Variants in GREB1L observed in about 807,000 individuals in gnomAD.
GREB1L encodes the protein GREB1-like protein.
In GREB1L, 17 loss-of-function variants were observed where a neutral mutation model predicts 200.8. The ratio of observed to expected loss-of-function variants is 0.08; its 90% CI spans 0.06 to 0.13. The LOEUF (loss-of-function observed/expected upper bound fraction) is 0.13, where lower values mean the gene tolerates loss of function less well. GREB1L is among the 10% of genes least tolerant of loss of function. The pLI, the probability that GREB1L is intolerant of heterozygous loss-of-function variation, is 1.00. For synonymous variants in GREB1L, 789 were observed against 893.0 expected (o/e 0.88, Z 2.08); for missense variants, 1,657 against 2,367.7 (o/e 0.70, Z 6.23).
chr18:21,517,141 T>C (rs977288452), intron 30 of GREB1L, among the ~76,000 whole-genome samples: 5 of 152,320 alleles, frequency 3.3e-5, no homozygotes, highest in Non-Finnish European at 7.4e-5. Flanking sequence ...CCCAAAGTGC[T>C]GGGATTACAG....
intron 27 of GREB1L, among the ~76,000 whole-genome samples, chr18:21,511,979 C>G (rs887877701): frequency 1.3e-5 from 2 of 152,122 alleles, no homozygotes; most frequent in African/African-American, 4.8e-5. Context: ...CATCTGTTAC[C>G]CACTGAATGG....
chr18:21,514,575 C>G (rs2037351609), intron 28 of GREB1L, among the ~76,000 whole-genome samples: 1 of 152,186 alleles, frequency 6.6e-6, no homozygotes, highest in Admixed American at 6.5e-5. Context: ...CTGCTGACAT[C>G]TCAAATCAGG....
chr18:21,408,887 G>A (rs2030619524), intron 7 of GREB1L, among the ~76,000 whole-genome samples: 1 of 152,038 alleles, frequency 6.6e-6, no homozygotes, highest in African/African-American at 2.4e-5. Flanking sequence ...TGTGGGTGTG[G>A]AGAAGTGGGA....
intron 30 of GREB1L, among the ~76,000 whole-genome samples, 181 bp downstream of exon 30, chr18:21,516,935 G>A (rs754437371): frequency 1.0e-4 from 15 of 148,862 alleles, no homozygotes; most frequent in Non-Finnish European, 1.9e-4. Context: ...GAGCAGTGGC[G>A]TGATCACGGC....
chr18:21,492,142 C>T lies in GREB1L; in HGVS notation c.3030+1791C>T, dbSNP rs909832852. Among the ~76,000 whole-genome samples, 29 of 152,050 alleles carry T rather than the reference C, an allele frequency of 1.9e-4. No individual in the cohort carries two copies. The East Asian group carries it at 1.9e-3, about 10-fold the overall frequency. On this transcript the variant is annotated intron_variant, in intron 19 of 32. Transcript: ENST00000424526. ...CGGGCGGATCACAAGGTCAGGAGAT[C>T]AAGACCACCCTGGCTAACACGGTGA... is the stretch of plus-strand genomic sequence containing the variant.
Position 21,525,380 on chromosome 18 carries a change from A to AATT in GREB1L, c.*2560_*2562dup, listed in dbSNP as rs1460291302. The AATT allele has an allele frequency of 1.3e-5, 2 of 152,102 alleles. No individual in the cohort carries two copies. Among genetic ancestry groups the AATT allele is most frequent in the African/African-American group, 4.8e-5 (2 of 41,420 alleles). 9.4% of individuals were successfully genotyped at this position (152,102 alleles called of 1,614,324 possible). A position where few individuals can be genotyped will look rare whatever the true frequency, so the allele number is the denominator to read the frequency against. The stretch of plus-strand genomic sequence containing the variant: ...CTGTTATATTTTTGTCCTTTGATTT[A>AATT]ATTTGCTTAATGTATTAAAGTTATC... On this transcript the variant is annotated 3_prime_UTR_variant, in exon 33 of 33. Coordinates refer to ENST00000424526, the MANE Select transcript of GREB1L (RefSeq NM_001142966.3).
chr18:21,404,313 A>G (rs557856151), intron 7 of GREB1L, among the ~76,000 whole-genome samples: 3 of 152,306 alleles, frequency 2.0e-5, no homozygotes, highest in East Asian at 1.9e-4. Context: ...AGTGGCAAGT[A>G]TTAGAGACAC....
At chr18:21,423,630 C>G (rs2032334616) in intron 7 of GREB1L, among the ~76,000 whole-genome samples, 1 of 152,178 alleles carries the variant, frequency 6.6e-6, no homozygotes, top group Non-Finnish European at 1.5e-5. Context: ...GAGGCCAAGG[C>G]AGGAGGATCA....
At chr18:21,320,140 G>A (rs1217592724) in intron 1 of GREB1L, among the ~76,000 whole-genome samples, 2 of 152,088 alleles carry the variant, frequency 1.3e-5, no homozygotes, top group Admixed American at 1.3e-4. Flanking sequence ...ATAAATTGCT[G>A]GTCCTAGAAC....
intron 2 of GREB1L, among the ~76,000 whole-genome samples, chr18:21,372,940 C>CT (rs57702520): frequency 0.011 from 1,663 of 150,940 alleles, 40 homozygotes; most frequent in African/African-American, 0.037. Flanking sequence ...CTTTTCTTTT[C>CT]TTTTTTTTTG....
At chr18:21,313,651 A>G (rs977810031) in intron 1 of GREB1L, among the ~76,000 whole-genome samples, 4 of 152,234 alleles carry the variant, frequency 2.6e-5, no homozygotes, top group African/African-American at 9.6e-5. Context: ...TTTGGTTTGT[A>G]GTTTTTCTAA....
rs2037488471 is a variant in GREB1L at position 21,518,155 on chromosome 18, A to G, written c.5393A>G (p.Tyr1798Cys). The G allele has an allele frequency of 6.4e-7, 1 of 1,551,662 alleles. No homozygotes were observed. The highest frequency in any genetic ancestry group is 8.7e-7 in the Non-Finnish European group (1 of 1,146,998). ...GAGAAATTCCTTCAGCACGCCTCAT[A>G]TAAACTCTTCCCCAAAGCCATCCAT... ...LLEKFLQHAS[Y>C]KLFPKAIHNF... Residue 1798 changes from tyrosine (Y) to cysteine (C), a missense_variant, in exon 31 of 33, where the codon TAT (tyrosine) becomes TGT (cysteine). Around this residue, in one of 9 missense-constraint regions of GREB1L, gnomAD observed 190 missense variants for 230.2 expected, o/e 0.83. Transcript: ENST00000424526.
At chr18:21,499,013 G>A (rs1043068482) in intron 21 of GREB1L, among the ~76,000 whole-genome samples, 1 of 152,186 alleles carries the variant, frequency 6.6e-6, no homozygotes, top group African/African-American at 2.4e-5. Context: ...GAAAGGAACT[G>A]GTCAAATATG....
intron 11 of GREB1L, among the ~76,000 whole-genome samples, chr18:21,445,583 A>G (rs1202089734): frequency 6.6e-6 from 1 of 152,250 alleles, no homozygotes; most frequent in Admixed American, 6.5e-5. Context: ...AAAATACTTC[A>G]GTGTTAGGAG....
chr18:21,414,209 A>G (rs1355620686), intron 7 of GREB1L, among the ~76,000 whole-genome samples: 1 of 152,222 alleles, frequency 6.6e-6, no homozygotes, highest in African/African-American at 2.4e-5. Context: ...AGATGCTAAA[A>G]AAGATCATTA....
rs887917846 is a variant in GREB1L, at chr18:21,449,694, G to A, written c.1578G>A (p.Val526=). ...CTCAAGACTTGGTTCATGTGGTTGT[G>A]ACCCAGAACTCTTTGGCGGAGGGCA... ...SVSQDLVHVV[V]TQNSLAEGIS... Residue 526 remains valine, a synonymous_variant, in exon 12 of 33, where the codon GTG becomes GTA. Coordinates refer to ENST00000424526, the MANE Select transcript of GREB1L (RefSeq NM_001142966.3). 3.4e-5 allele frequency: 53 copies of A among 1,551,544 alleles called. No homozygotes were observed. The Admixed American group carries it at 5.9e-4, about 17-fold the overall frequency.
intron 1 of GREB1L, among the ~76,000 whole-genome samples, chr18:21,315,803 C>T (rs548114595): frequency 6.6e-6 from 1 of 152,266 alleles, no homozygotes; most frequent in Non-Finnish European, 1.5e-5. Flanking sequence ...TTCTCAGACT[C>T]TTTGGAATTC....
At position 21,524,941 on chromosome 18, in the gene GREB1L, A is replaced by G. The variant is rs555975624; in HGVS notation, c.*2120A>G. ...CTTTTAAAATCATCTTATCATCAGTATAATTCTTGAGTATGTTAGGTCCTT... is the reference window on the plus strand; with the variant it reads ...CTTTTAAAATCATCTTATCATCAGTGTAATTCTTGAGTATGTTAGGTCCTT... On this transcript the variant is annotated 3_prime_UTR_variant, in exon 33 of 33. Coordinates refer to ENST00000424526, the MANE Select transcript of GREB1L (RefSeq NM_001142966.3). 6.6e-6 allele frequency: 1 copy of G among 151,730 alleles called. No individual in the cohort carries two copies. The highest frequency in any genetic ancestry group is 1.5e-5 in the Non-Finnish European group (1 of 67,914). The allele number at this position is 151,730 out of a possible 1,614,324, so 9.4% of individuals were successfully genotyped here.
intron 21 of GREB1L, 117 bp downstream of exon 21, chr18:21,496,815 G>T: frequency 1.7e-6 from 2 of 1,182,972 alleles, no homozygotes; most frequent in East Asian, 5.1e-5. Context: ...AGCCTTCAGG[G>T]ACTGGCATCC....
Sources: gnomAD v4.1 joint callset for allele counts (sites outside exome capture counted in the v4.1 genomes callset) on GRCh38, gnomAD v4.1.1 for gene constraint, gnomAD v4.1.1 regional missense constraint, MANE v1.5 for transcripts, NCBI Gene and HGNC (gene_info 2026-07-23, HGNC 2026-07-21) for gene names.